Variants in DGAT1 observed in about 807,000 individuals in gnomAD.
DGAT1 encodes ACAT related gene product 1.
A neutral mutation model predicts 72.6 loss-of-function variants in DGAT1; 60 were observed. The observed-to-expected ratio is 0.83, with a 90% CI of 0.67 to 1.02. DGAT1 has a LOEUF of 1.02. Among genes scored for constraint, DGAT1 ranks in the 50% least tolerant of loss-of-function variants. The pLI is 0.00. For missense variants in DGAT1, 592 were observed against 670.0 expected, an observed-to-expected ratio of 0.88 and a Z score of 1.29; for synonymous variants, 290 against 267.5, an observed-to-expected ratio of 1.08 and a Z score of -0.82.
chr8:144,318,003 G>C lies in DGAT1; in HGVS notation c.766C>G (p.Leu256Val). 1.3e-6 allele frequency: 2 copies of C among 1,518,380 alleles called. No individual in the cohort carries two copies. Among genetic ancestry groups the C allele is most frequent in the South Asian group, 1.3e-5 (1 of 75,230 alleles). 94.1% of individuals were successfully genotyped at this position (1,518,380 alleles called of 1,614,324 possible). A position where few individuals can be genotyped will look rare whatever the true frequency, so the allele number is the denominator to read the frequency against. ...TCGTAGCACAAGGTGGGGGCGAAGAGGAAGTAGTAGAGATCTGGAATGGGA... is the reference window on the plus strand; with the variant it reads ...TCGTAGCACAAGGTGGGGGCGAAGACGAAGTAGTAGAGATCTGGAATGGGA... ...NLTYRDLYYF[L>V]FAPTLCYELN... is the part of the protein sequence containing the mutation. Residue 256 changes from leucine to valine, a missense_variant, in exon 9 of 17, where the codon CTC becomes GTC. Transcript: ENST00000528718.
rs1817250249 is a variant in DGAT1 at position 144,316,928 on chromosome 8, G to A, written c.1249-13C>T. On this transcript the variant is annotated splice_polypyrimidine_tract_variant and intron_variant, in intron 15 of 16. Coordinates refer to ENST00000528718, the MANE Select transcript of DGAT1 (RefSeq NM_012079.6). ...CGCTCACCAGGTACTGAGATGGGAG[G>A]GAGAGAGGATGCCAGGGAGTGGGGT... 4.3e-6 allele frequency: 7 copies of A among 1,612,530 alleles called. No individual in the cohort carries two copies. The highest frequency in any genetic ancestry group is 5.9e-6 in the Non-Finnish European group (7 of 1,179,830).
chr8:144,320,191 T>C (rs1379896636), intron 2 of DGAT1, among the ~76,000 whole-genome samples: 1 of 151,798 alleles, frequency 6.6e-6, no homozygotes, highest in East Asian at 1.9e-4. Context: ...ATGCCTGGGG[T>C]GGGGGCATGG....
intron 2 of DGAT1, 31 bp from the exon 3 acceptor site, chr8:144,319,099 C>T (rs1554847815): frequency 6.4e-7 from 1 of 1,551,220 alleles, no homozygotes. Flanking sequence ...GGTGCAGCCC[C>T]TTTAGTCCTG....
In DGAT1 at chr8:144,317,977, C is replaced by T. The variant is rs139081729; in HGVS notation, c.792G>A (p.Glu264=). ...TGCGGGGAGAGCGGGGAAAGTTGAG[C>T]TCGTAGCACAAGGTGGGGGCGAAGA... ...YFLFAPTLCY[E]LNFPRSPRIR... Residue 264 remains glutamate (E), a synonymous_variant, in exon 9 of 17, where the codon GAG becomes GAA. Coordinates refer to ENST00000528718, the MANE Select transcript of DGAT1 (RefSeq NM_012079.6). The T allele has an allele frequency of 3.2e-4, 487 of 1,519,382 alleles. 2 individuals carry two copies. The South Asian group carries it at 6.1e-3, about 19-fold the overall frequency. The allele number at this position is 1,519,382 out of a possible 1,614,324, so 94.1% of individuals were successfully genotyped here. A position where few individuals can be genotyped will look rare whatever the true frequency, so the allele number is the denominator to read the frequency against.
At position 144,316,640 on chromosome 8, in the gene DGAT1, G is replaced by A. The variant is rs781932849; in HGVS notation, c.1381C>T (p.Leu461Phe). Residue 461 changes from leucine to phenylalanine, a missense_variant, in exon 17 of 17, where the codon CTC becomes TTC. Transcript: ENST00000528718. ...ACGGCTATTGGCTGTCCGATGATGAGCGACAGCCACACAGCTGCGTTGCCA... is the reference window on the plus strand; with the variant it reads ...ACGGCTATTGGCTGTCCGATGATGAACGACAGCCACACAGCTGCGTTGCCA... Reference protein sequence around the residue: ...NYGNAAVWLSLIIGQPIAVLM... With the variant: ...NYGNAAVWLSFIIGQPIAVLM... The A allele has an allele frequency of 3.1e-6, 5 of 1,610,328 alleles. No homozygotes were observed. Among genetic ancestry groups the A allele is most frequent in the South Asian group, 2.2e-5 (2 of 90,586 alleles).
rs201304578 is a variant in DGAT1 at position 144,316,868 on chromosome 8, C to T, written c.1296G>A (p.Thr432=). ...GGTCACTCACCTGAGCCATCATGCC[C>T]GTGAACGCCCAGAGGCGGAACATTC... The part of the protein sequence containing the change: ...PLRMFRLWAF[T]GMMAQIPLAW... Residue 432 remains threonine, a synonymous_variant, in exon 16 of 17, where the codon ACG becomes ACA. Coordinates refer to ENST00000528718, the MANE Select transcript of DGAT1 (RefSeq NM_012079.6). 11 of 1,610,894 alleles carry T rather than the reference C, an allele frequency of 6.8e-6. No homozygotes were observed. The African/African-American group carries it at 8.0e-5, about 12-fold the overall frequency.
In DGAT1 at chr8:144,315,573, A is replaced by AC. The variant is rs1817173423; in HGVS notation, c.*980dup. The AC allele has an allele frequency of 2.0e-6, 2 of 985,432 alleles. No homozygotes were observed. Among genetic ancestry groups the AC allele is most frequent in the Non-Finnish European group, 2.4e-6 (2 of 830,058 alleles). 61.0% of individuals were successfully genotyped at this position (985,432 alleles called of 1,614,324 possible). On this transcript the variant is annotated 3_prime_UTR_variant, in exon 17 of 17. Coordinates refer to ENST00000528718, the MANE Select transcript of DGAT1 (RefSeq NM_012079.6). ...AAGGCAGCAGCAGGGCCCTGGGGTTACCCCTGACCTCCCGCTACCATCAAG... is the reference window on the plus strand; with the variant it reads ...AAGGCAGCAGCAGGGCCCTGGGGTTACCCCCTGACCTCCCGCTACCATCAAG...
chr8:144,320,740 T>A (rs1457839581), intron 2 of DGAT1, among the ~76,000 whole-genome samples: 1 of 151,932 alleles, frequency 6.6e-6, no homozygotes, highest in Non-Finnish European at 1.5e-5. Context: ...CAGGGCTCCA[T>A]CTAATCACCT....
rs55907012 is a variant in DGAT1 at position 144,318,712 on chromosome 8, T to C, written c.455A>G (p.Lys152Arg). ...GGCACTGCTTACCACCGCCAGGCGC[T>C]TCTCAACCTGGAATGCAGCCACAGC... ...VFAVAAFQVE[K>R]RLAVGALTEQ... Residue 152 changes from lysine (K) to arginine (R), a missense_variant, in exon 5 of 17, where the codon AAG becomes AGG. Lys to Arg is a conservative substitution (Grantham distance 26). Coordinates refer to ENST00000528718, the MANE Select transcript of DGAT1 (RefSeq NM_012079.6). The C allele has an allele frequency of 0.017, 26,983 of 1,608,698 alleles. 286 individuals carry two copies. Among genetic ancestry groups the C allele is most frequent in the Non-Finnish European group, 0.019 (22,613 of 1,177,982 alleles).
intron 2 of DGAT1, 52 bp from the exon 3 acceptor site, chr8:144,319,120 A>T (rs1554847821): frequency 6.5e-7 from 1 of 1,545,994 alleles, no homozygotes; most frequent in East Asian, 2.4e-5. Flanking sequence ...GCCACAGGGT[A>T]CTCACCCCAG....
Position 144,321,462 on chromosome 8 carries a change from A to AC in DGAT1, c.201-55dup, listed in dbSNP as rs1204912804. The stretch of plus-strand genomic sequence containing the variant: ...GAGTGGGCACCAGCAGGGCAGCGCC[A>AC]CCCCCGCAGGATCCAGGCCCCCACC... On this transcript the variant is annotated intron_variant, in intron 1 of 16. Transcript: ENST00000528718. 2.6e-6 allele frequency: 4 copies of AC among 1,532,788 alleles called. No homozygotes were observed. The African/African-American group carries it at 5.5e-5, about 21-fold the overall frequency. The allele number at this position is 1,532,788 out of a possible 1,614,324, so 94.9% of individuals were successfully genotyped here.
chr8:144,316,296 G>A lies in DGAT1; in HGVS notation c.*258C>T. 1 of 512,132 alleles carries A rather than the reference G, an allele frequency of 2.0e-6. No individual in the cohort carries two copies. The highest frequency in any genetic ancestry group is 3.5e-6 in the Non-Finnish European group (1 of 289,214). The allele number at this position is 512,132 out of a possible 1,614,324, so 31.7% of individuals were successfully genotyped here. On this transcript the variant is annotated 3_prime_UTR_variant, in exon 17 of 17. Coordinates refer to ENST00000528718, the MANE Select transcript of DGAT1 (RefSeq NM_012079.6). ...CCCCTGGCAGGCTGAAGAGGTCACT[G>A]GACAGCACTTTATTGACACCCTCGG... is the stretch of plus-strand genomic sequence containing the variant.
At position 144,321,194 on chromosome 8, in the gene DGAT1, A is replaced by T. The variant is rs1387343214; in HGVS notation, c.288+127T>A. On this transcript the variant is annotated intron_variant, in intron 2 of 16. Transcript: ENST00000528718. ...CACATGGAGGTGCAGCCTGCTCCACACACCCCAGCCCACAGGGGCTCCAGC... is the reference window on the plus strand; with the variant it reads ...CACATGGAGGTGCAGCCTGCTCCACTCACCCCAGCCCACAGGGGCTCCAGC... The T allele has an allele frequency of 4.5e-6, 4 of 885,478 alleles. No individual in the cohort carries two copies. The African/African-American group carries it at 6.6e-5, about 15-fold the overall frequency. 54.9% of individuals were successfully genotyped at this position (885,478 alleles called of 1,614,324 possible). A position where few individuals can be genotyped will look rare whatever the true frequency, so the allele number is the denominator to read the frequency against.
chr8:144,318,179 C>T lies in DGAT1; in HGVS notation c.677-10G>A. 2 of 1,608,174 alleles carry T rather than the reference C, an allele frequency of 1.2e-6. No homozygotes were observed. The highest frequency in any genetic ancestry group is 1.7e-6 in the Non-Finnish European group (2 of 1,177,020). On this transcript the variant is annotated splice_polypyrimidine_tract_variant and intron_variant, in intron 7 of 16. Transcript: ENST00000528718. ...TTCTTCCCTGCAGAGGCTACGAGCACAGCAGAGTGGGAGGGGGCTGGTGGG... is the reference window on the plus strand; with the variant it reads ...TTCTTCCCTGCAGAGGCTACGAGCATAGCAGAGTGGGAGGGGGCTGGTGGG...
At chr8:144,316,788 G>A (rs1426488640) in intron 16 of DGAT1, 65 bp downstream of exon 16, 3 of 1,595,272 alleles carry the variant, frequency 1.9e-6, no homozygotes, top group East Asian at 2.3e-5. Context: ...CATGGGGAGG[G>A]TCAGCCGAGG....
chr8:144,316,983 T>C (rs1554847164), intron 15 of DGAT1, 39 bp downstream of exon 15: 1 of 1,611,262 alleles, frequency 6.2e-7, no homozygotes, highest in East Asian at 2.2e-5. Context: ...GGCATACCCC[T>C]GCCCAGGGAT....
At chr8:144,323,944 G>A (rs1199285736) in intron 1 of DGAT1, among the ~76,000 whole-genome samples, 2 of 152,206 alleles carry the variant, frequency 1.3e-5, no homozygotes, top group Non-Finnish European at 1.5e-5. Flanking sequence ...AAGATGGTTG[G>A]GGCAGGCTCC....
intron 2 of DGAT1, among the ~76,000 whole-genome samples, chr8:144,319,859 C>T (rs545690033): frequency 6.6e-6 from 1 of 152,242 alleles, no homozygotes; most frequent in African/African-American, 2.4e-5. Context: ...TGGCTGACCA[C>T]CCGGAGCTCG....
chr8:144,323,251 C>T (rs1191068464), intron 1 of DGAT1, among the ~76,000 whole-genome samples: 3 of 152,138 alleles, frequency 2.0e-5, no homozygotes, highest in Admixed American at 6.5e-5. Flanking sequence ...AAACAGGAGT[C>T]GGGAAAGGGT....
Sources: gnomAD v4.1 joint callset for allele counts (sites outside exome capture counted in the v4.1 genomes callset) on GRCh38, gnomAD v4.1.1 for gene constraint, MANE v1.5 for transcripts, NCBI Gene and HGNC (gene_info 2026-07-23, HGNC 2026-07-21) for gene names.